The following RAPGEF2 variants were observed in gnomAD, a reference collection of about 807,000 sequenced individuals.
RAPGEF2 encodes the protein PDZ domain containing guanine nucleotide exchange factor (GEF) 1.
Under a neutral mutation model 186.7 loss-of-function variants are expected in RAPGEF2, and 54 were observed. The observed-to-expected ratio is 0.29, with a 90% CI of 0.23 to 0.36. The LOEUF (loss-of-function observed/expected upper bound fraction) is 0.36, where lower values mean the gene tolerates loss of function less well. Ranked by LOEUF, RAPGEF2 falls within the 10% of genes least tolerant of loss-of-function variation. The pLI, the probability that RAPGEF2 is intolerant of heterozygous loss-of-function variation, is 1.00. For synonymous variants in RAPGEF2, 712 were observed against 705.9 expected (o/e 1.01, Z -0.14); for missense variants, 1,532 against 2,045.0 (o/e 0.75, Z 4.84).
chr4:159,268,066 TC>T, intron 7 of RAPGEF2: 1 of 1,511,336 alleles, frequency 6.6e-7, no homozygotes, highest in South Asian at 1.3e-5. Context: ...TTTTCCTTTT[TC>T]TTTTAATTTA....
chr4:159,123,605 C>A lies in RAPGEF2; in HGVS notation c.69+19374C>A, dbSNP rs1439295331. Among the ~76,000 whole-genome samples, 2 of 144,880 alleles carry A rather than the reference C, an allele frequency of 1.4e-5. 1 individual carries two copies. The highest frequency in any genetic ancestry group is 5.1e-5 in the African/African-American group (2 of 39,014). Reference sequence around the variant, plus strand: ...CCAGGCTGGAGTGCAGTGGCTCGATCTCAGCTGGGTTCACGCCATTCTCCT... The same window carrying A: ...CCAGGCTGGAGTGCAGTGGCTCGATATCAGCTGGGTTCACGCCATTCTCCT... On this transcript the variant is annotated intron_variant, in intron 1 of 29. Coordinates refer to ENST00000691494, the MANE Select transcript of RAPGEF2 (RefSeq NM_001394067.2).
At chr4:159,282,848 A>G (rs921346090) in intron 7 of RAPGEF2, among the ~76,000 whole-genome samples, 2 of 152,186 alleles carry the variant, frequency 1.3e-5, no homozygotes, top group Non-Finnish European at 2.9e-5. Context: ...AATAGTCATT[A>G]TGGGGCTCAT....
rs1463145961 is a variant in RAPGEF2 at position 159,343,933 on chromosome 4, T to C, written c.3255-103T>C. The C allele has an allele frequency of 5.7e-6, 7 of 1,224,326 alleles. No homozygotes were observed. In the East Asian group the frequency reaches 1.4e-4, roughly 25 times the overall value. The allele number at this position is 1,224,326 out of a possible 1,614,324, so 75.8% of individuals were successfully genotyped here. On this transcript the variant is annotated intron_variant, in intron 22 of 29. Coordinates refer to ENST00000691494, the MANE Select transcript of RAPGEF2 (RefSeq NM_001394067.2). ...ATGCAGTTTAATGTTTGTGGGCTTC[T>C]AGAACTGCTTATCCAGAAGTCTAGT...
intron 3 of RAPGEF2, among the ~76,000 whole-genome samples, chr4:159,197,080 G>A (rs1167533140): frequency 6.6e-6 from 1 of 152,028 alleles, no homozygotes; most frequent in Admixed American, 6.5e-5. Flanking sequence ...ATACTGAGGC[G>A]GATAATATGA....
chr4:159,262,461 C>T (rs899437398), intron 7 of RAPGEF2, among the ~76,000 whole-genome samples: 1 of 152,194 alleles, frequency 6.6e-6, no homozygotes, highest in African/African-American at 2.4e-5. Flanking sequence ...TTCACAACCA[C>T]TGTTCAAGGA....
Position 159,355,878 on chromosome 4 carries a change from GCC to G in RAPGEF2, c.4681_4682del (p.Pro1561AlafsTer13). On this transcript the variant is annotated frameshift_variant, in exon 29 of 30. Coordinates refer to ENST00000691494, the MANE Select transcript of RAPGEF2 (RefSeq NM_001394067.2). LOFTEE classifies it high-confidence loss of function. ...IARKEGRYRE[P>X]PPTPPGYIGI... The stretch of plus-strand genomic sequence containing the variant: ...CACGAAAGGAGGGCAGGTATCGAGA[GCC>G]CCCGCCCACCCCTCCCGGCTACATT... The G allele has an allele frequency of 1.4e-4, 205 of 1,515,212 alleles. No individual in the cohort carries two copies. Among genetic ancestry groups the G allele is most frequent in the Non-Finnish European group, 1.6e-4 (183 of 1,117,448 alleles). 93.9% of individuals were successfully genotyped at this position (1,515,212 alleles called of 1,614,324 possible). A position where few individuals can be genotyped will look rare whatever the true frequency, so the allele number is the denominator to read the frequency against.
rs1731535745 is a variant in RAPGEF2, at chr4:159,353,681, G to T, written c.4286G>T (p.Ser1429Ile). The change falls in exon 28 of 30, where the codon AGC becomes ATC. Residue 1429 changes from serine (S) to isoleucine (I), a missense_variant. Physicochemically the swap from Ser to Ile is moderately radical, Grantham distance 142 (BLOSUM62 -2). Transcript: ENST00000691494. This position sits in a 1 kb window ranked among gnomAD's most constrained non-coding sequence, Gnocchi z 4.3. ...DNIQTIQHQRSWETLPFGHTH... is the reference protein window; with the variant it reads ...DNIQTIQHQRIWETLPFGHTH... ...ATACAGACGATCCAGCACCAGAGAA[G>T]CTGGGAGACTCTTCCATTCGGGCAT... 1 of 1,589,772 alleles carries T rather than the reference G, an allele frequency of 6.3e-7. No individual in the cohort carries two copies. Among genetic ancestry groups the T allele is most frequent in the African/African-American group, 1.4e-5 (1 of 73,996 alleles).
intron 1 of RAPGEF2, among the ~76,000 whole-genome samples, chr4:159,147,570 T>C (rs374253147): frequency 6.6e-6 from 1 of 152,220 alleles, no homozygotes; most frequent in South Asian, 2.1e-4. Flanking sequence ...AATAGCTTGA[T>C]AGAGCAAATC....
intron 7 of RAPGEF2, among the ~76,000 whole-genome samples, chr4:159,295,716 TGTGA>T (rs1382023210): frequency 3.2e-4 from 29 of 91,042 alleles, no homozygotes; most frequent in Non-Finnish European, 5.0e-4. Context: ...AGAGAGAGTG[TGTGA>T]GTGTGTGTGT....
chr4:159,278,386 T>C (rs1331538447), intron 7 of RAPGEF2, among the ~76,000 whole-genome samples: 1 of 152,144 alleles, frequency 6.6e-6, no homozygotes, highest in Non-Finnish European at 1.5e-5. Context: ...ACTCTACTCT[T>C]ATAATTTATA....
At chr4:159,261,834 C>G (rs1320660961) in intron 7 of RAPGEF2, among the ~76,000 whole-genome samples, 1 of 152,152 alleles carries the variant, frequency 6.6e-6, no homozygotes, top group African/African-American at 2.4e-5. Context: ...CCTTCTACCT[C>G]CCACTCACCT....
At chr4:159,219,581 G>T (rs6536400) in intron 4 of RAPGEF2, among the ~76,000 whole-genome samples, 11 of 151,832 alleles carry the variant, frequency 7.2e-5, no homozygotes, top group Admixed American at 3.3e-4. Context: ...GGTCTTGATC[G>T]CCTGACCTCA....
intron 1 of RAPGEF2, among the ~76,000 whole-genome samples, chr4:159,162,898 G>A (rs926561726): frequency 6.0e-5 from 9 of 151,228 alleles, no homozygotes; most frequent in East Asian, 1.9e-4. Flanking sequence ...TTTTTTTTCC[G>A]TAAGATTACC....
chr4:159,120,479 C>T (rs529382800), intron 1 of RAPGEF2, among the ~76,000 whole-genome samples: 1 of 152,272 alleles, frequency 6.6e-6, no homozygotes, highest in East Asian at 1.9e-4. Flanking sequence ...AGCTTTGATA[C>T]TAAAACTTCT....
intron 7 of RAPGEF2, among the ~76,000 whole-genome samples, chr4:159,293,817 C>G (rs1348130066): frequency 6.6e-6 from 1 of 152,132 alleles, no homozygotes; most frequent in African/African-American, 2.4e-5. Context: ...GTTTAACCTT[C>G]AATGCAAAGC....
intron 3 of RAPGEF2, among the ~76,000 whole-genome samples, chr4:159,199,439 AT>A (rs1467644378): frequency 6.6e-6 from 1 of 151,122 alleles, no homozygotes; most frequent in Non-Finnish European, 1.5e-5. Flanking sequence ...CATGCCTACC[AT>A]GGAAATTTGC....
intron 4 of RAPGEF2, among the ~76,000 whole-genome samples, chr4:159,212,893 C>G (rs1033223695): frequency 1.8e-4 from 28 of 152,186 alleles, no homozygotes; most frequent in African/African-American, 5.8e-4. Flanking sequence ...CTTGTTCTAA[C>G]TTCTGGAAAG....
intron 1 of RAPGEF2, among the ~76,000 whole-genome samples, chr4:159,138,466 A>AG (rs1326119739): frequency 1.3e-5 from 2 of 152,202 alleles, no homozygotes; most frequent in African/African-American, 4.8e-5. Context: ...AAGCAGGTGT[A>AG]GGGAGAGGTA....
intron 8 of RAPGEF2, among the ~76,000 whole-genome samples, chr4:159,310,565 G>A (rs540087729): frequency 6.6e-6 from 1 of 152,100 alleles, no homozygotes; most frequent in Admixed American, 6.5e-5. Flanking sequence ...GTTCACAATA[G>A]CAGAATGTAT....
Sources: gnomAD v4.1 joint callset for allele counts (sites outside exome capture counted in the v4.1 genomes callset) on GRCh38, gnomAD v4.1.1 for gene constraint, Gnocchi (gnomAD v3.1) non-coding constraint, MANE v1.5 for transcripts, NCBI Gene and HGNC (gene_info 2026-07-23, HGNC 2026-07-21) for gene names.